SUPT16H: variants seen among roughly 807,000 people sequenced by gnomAD.
SUPT16H encodes the protein SPT16 homolog, facilitates chromatin remodeling subunit.
In SUPT16H, 24 loss-of-function variants were observed where a neutral mutation model predicts 136.2. The observed-to-expected ratio is 0.18, with a 90% confidence interval of 0.13 to 0.25. SUPT16H has a LOEUF of 0.25. Ranked by LOEUF, SUPT16H falls within the 10% of genes least tolerant of loss-of-function variation. The pLI is 1.00. For missense variants in SUPT16H, 623 were observed against 1,270.2 expected, an observed-to-expected ratio of 0.49 and a Z score of 7.74; for synonymous variants, 415 against 428.2, an observed-to-expected ratio of 0.97 and a Z score of 0.38.
rs1478150435 is a variant in SUPT16H at position 21,361,185 on chromosome 14, G to A, written c.1822C>T (p.Pro608Ser). The A allele has an allele frequency of 1.2e-6, 2 of 1,613,928 alleles. No individual in the cohort carries two copies. Among genetic ancestry groups the A allele is most frequent in the Non-Finnish European group, 1.7e-6 (2 of 1,179,998 alleles). ...AAGGCTGGTACTGTCTGTTCTCCGG[G>A]TGCCTTAATATTTGATGCTCGGTAT... is the stretch of plus-strand genomic sequence containing the variant. The part of the protein sequence containing the change: ...ITYRASNIKA[P>S]GEQTVPALNL... The change falls in exon 16 of 26, where the codon CCC becomes TCC. Residue 608 changes from proline (P) to serine (S), a missense_variant. This residue lies in a region of SUPT16H where 62 missense variants were observed against 200.5 expected (regional missense o/e 0.31). Transcript: ENST00000216297.
chr14:21,352,865 AC>A (rs769724808), intron 25 of SUPT16H, 47 bp from the exon 26 acceptor site: 2 of 1,612,790 alleles, frequency 1.2e-6, no homozygotes, highest in South Asian at 2.2e-5. Context: ...AGCTTTAGGT[AC>A]CTAATATTAC....
chr14:21,352,947 T>C, intron 25 of SUPT16H, 129 bp from the exon 26 acceptor site: 1 of 1,234,754 alleles, frequency 8.1e-7, no homozygotes, highest in Non-Finnish European at 1.1e-6. Context: ...GGCAAGTACT[T>C]TCTGAACCTT....
chr14:21,380,514 TAA>T (rs367666550), intron 1 of SUPT16H, among the ~76,000 whole-genome samples: 448 of 152,058 alleles, frequency 2.9e-3, no homozygotes, highest in African/African-American at 0.01. Flanking sequence ...TAAGCCACCA[TAA>T]AAATCTGCAA....
rs566129058 is a variant in SUPT16H, at chr14:21,355,455, T to C, written c.2661-915A>G. Among the ~76,000 whole-genome samples the C allele has an allele frequency of 5.5e-5, 8 of 145,068 alleles. 1 individual carries two copies. In the South Asian group the frequency reaches 1.7e-3, roughly 31 times the overall value. ...TTGCAGTGAGCCGAGATCGTGCCACTGCACTCCAGCCTGGGCAACAGAGTG... is the reference window on the plus strand; with the variant it reads ...TTGCAGTGAGCCGAGATCGTGCCACCGCACTCCAGCCTGGGCAACAGAGTG... On this transcript the variant is annotated intron_variant, in intron 22 of 25. Coordinates refer to ENST00000216297, the MANE Select transcript of SUPT16H (RefSeq NM_007192.4).
At chr14:21,353,927 T>C (rs936839830) in intron 23 of SUPT16H, 95 bp from the exon 24 acceptor site, 6 of 1,250,214 alleles carry the variant, frequency 4.8e-6, no homozygotes, top group Non-Finnish European at 5.4e-6. Flanking sequence ...AGTATTTACA[T>C]GAAGAAAACA....
At chr14:21,373,893 A>G (rs1204553348) in intron 1 of SUPT16H, among the ~76,000 whole-genome samples, 1 of 151,982 alleles carries the variant, frequency 6.6e-6, no homozygotes, top group African/African-American at 2.4e-5. Context: ...ACACCTGGCT[A>G]ATTTTTTTAT....
At chr14:21,359,082 G>A (rs1886495269) in intron 19 of SUPT16H, among the ~76,000 whole-genome samples, 1 of 149,710 alleles carries the variant, frequency 6.7e-6, no homozygotes, top group South Asian at 2.1e-4. Context: ...TGGGATTATA[G>A]GCGTGAGCCA....
Position 21,357,234 on chromosome 14 carries a change from G to C in SUPT16H, c.2623C>G (p.Pro875Ala). 6.2e-7 allele frequency: 1 copy of C among 1,611,530 alleles called. No homozygotes were observed. The highest frequency in any genetic ancestry group is 8.5e-7 in the Non-Finnish European group (1 of 1,178,886). ...TTGATGGGGTCAAGAGAGGCTACAG[G>C]AATGGCGTTGATCATGGTCACTTTC... is the stretch of plus-strand genomic sequence containing the variant. ...SKKVTMINAI[P>A]VASLDPIKEW... The change falls in exon 22 of 26, where the codon CCT becomes GCT. Residue 875 changes from proline to alanine, a missense_variant. Physicochemically the swap from Pro to Ala is conservative, Grantham distance 27. Coordinates refer to ENST00000216297, the MANE Select transcript of SUPT16H (RefSeq NM_007192.4).
At chr14:21,369,180 A>G (rs763004404) in intron 6 of SUPT16H, 24 bp downstream of exon 6, 1 of 1,605,004 alleles carries the variant, frequency 6.2e-7, no homozygotes, top group South Asian at 1.1e-5. Context: ...AAAATGCTAT[A>G]TTATGAAGTC....
chr14:21,379,441 G>GA (rs35245464), intron 1 of SUPT16H, among the ~76,000 whole-genome samples: 98,742 of 133,746 alleles, frequency 0.74, 35,618 homozygotes, highest in East Asian at 0.86. Flanking sequence ...CTCAAAAAAA[G>GA]AAAAAAAAAA....
At chr14:21,383,323 G>T in intron 1 of SUPT16H, 1 of 391,380 alleles carries the variant, frequency 2.6e-6, no homozygotes, top group Non-Finnish European at 4.6e-6. Flanking sequence ...ACCCACAGCA[G>T]GGCCTAGAAC....
At chr14:21,374,963 G>A (rs1443963039) in intron 1 of SUPT16H, among the ~76,000 whole-genome samples, 1 of 152,046 alleles carries the variant, frequency 6.6e-6, no homozygotes, top group Non-Finnish European at 1.5e-5. Flanking sequence ...TTAACCAACA[G>A]TTTTTATGTC....
At chr14:21,372,609 T>C in intron 2 of SUPT16H, 1 of 414,144 alleles carries the variant, frequency 2.4e-6, no homozygotes, top group South Asian at 1.8e-5. Context: ...TTGCTTGGAA[T>C]GTAGATGAAA....
chr14:21,356,544 C>T (rs1207571337), intron 22 of SUPT16H, among the ~76,000 whole-genome samples: 1 of 152,152 alleles, frequency 6.6e-6, no homozygotes, highest in Non-Finnish European at 1.5e-5. Flanking sequence ...CAGAATCCAA[C>T]TAACTTGACT....
intron 1 of SUPT16H, among the ~76,000 whole-genome samples, chr14:21,375,015 GCTT>G (rs959098267): frequency 1.3e-5 from 2 of 151,834 alleles, no homozygotes; most frequent in Non-Finnish European, 2.9e-5. Context: ...TTAGTATCCT[GCTT>G]TTTTTTTTCT....
At position 21,364,820 on chromosome 14, in the gene SUPT16H, T is replaced by C; in HGVS notation, c.1233+7A>G. ...TGAAGACTCCAAAGTTTAGACACAA[T>C]ACACACCTCATCCACAAGCACTGTG... On this transcript the variant is annotated splice_region_variant and intron_variant, in intron 10 of 25. Transcript: ENST00000216297. 6.2e-7 allele frequency: 1 copy of C among 1,610,876 alleles called. No individual in the cohort carries two copies. Among genetic ancestry groups the C allele is most frequent in the Non-Finnish European group, 8.5e-7 (1 of 1,178,788 alleles).
intron 3 of SUPT16H, among the ~76,000 whole-genome samples, chr14:21,371,119 G>A (rs1285082587): frequency 1.3e-5 from 2 of 151,848 alleles, no homozygotes; most frequent in African/African-American, 2.4e-5. Flanking sequence ...TCAAGTGCTC[G>A]CCTCGGCCTC....
rs1197312889 is a variant in SUPT16H, at chr14:21,368,159, T to G, written c.955+110A>C. On this transcript the variant is annotated intron_variant, in intron 7 of 25. Transcript: ENST00000216297. Reference sequence around the variant, plus strand: ...GTCTTGAACTCCTGGATTCAAGTGATCCTCCTGCCTCGGCCTCCCAGTGTA... The same window carrying G: ...GTCTTGAACTCCTGGATTCAAGTGAGCCTCCTGCCTCGGCCTCCCAGTGTA... 2.6e-5 allele frequency: 29 copies of G among 1,113,968 alleles called. 1 individual carries two copies. In the South Asian group the frequency reaches 4.6e-4, roughly 18 times the overall value. 69.0% of individuals were successfully genotyped at this position (1,113,968 alleles called of 1,614,324 possible).
rs771722730 is a variant in SUPT16H, at chr14:21,362,355, AG to A, written c.1666-32del. The A allele has an allele frequency of 2.5e-6, 4 of 1,594,336 alleles. No homozygotes were observed. The African/African-American group carries it at 5.4e-5, about 22-fold the overall frequency. On this transcript the variant is annotated intron_variant, in intron 14 of 25. Transcript: ENST00000216297. ...CAAAGGAAAAGCATAAAAAGTAAACAGATTTCTTTCCTAGAGATTAGTAGTT... is the reference window on the plus strand; with the variant it reads ...CAAAGGAAAAGCATAAAAAGTAAACAATTTCTTTCCTAGAGATTAGTAGTT...
Sources: allele counts gnomAD v4.1 joint callset (sites outside exome capture counted in the v4.1 genomes callset), GRCh38; gene constraint gnomAD v4.1.1; regional missense constraint gnomAD v4.1.1; transcripts MANE v1.5; gene names NCBI Gene and HGNC (gene_info 2026-07-23, HGNC 2026-07-21).